Variants in MAST2 observed in about 807,000 individuals in gnomAD.
The protein encoded by MAST2 is microtubule associated serine/threonine kinase 2.
In MAST2, 70 loss-of-function variants were observed where a neutral mutation model predicts 147.4. That is an observed-to-expected ratio of 0.47 (90% CI 0.39 to 0.58). The LOEUF (loss-of-function observed/expected upper bound fraction) is 0.58, where lower values mean the gene tolerates loss of function less well. Among genes scored for constraint, MAST2 ranks in the 20% least tolerant of loss-of-function variants. MAST2 has a pLI of 0.00. For synonymous variants in MAST2, 869 were observed against 896.8 expected, an observed-to-expected ratio of 0.97 and a Z score of 0.55; for missense variants, 2,080 against 2,302.3, an observed-to-expected ratio of 0.90 and a Z score of 1.98.
intron 10 of MAST2, 88 bp from the exon 11 acceptor site, chr1:46,019,508 C>A (rs952937385): frequency 3.2e-5 from 32 of 1,007,290 alleles, no homozygotes; most frequent in Non-Finnish European, 4.6e-5. Flanking sequence ...CGAATTGTTT[C>A]TCCCTGGAGT....
In MAST2 at chr1:45,976,558, G is replaced by T. The variant is rs536910844; in HGVS notation, c.592+17081G>T. ...ACATTAAAATCACATTGTTCTAGTG[G>T]TGATTACCTGTGGAAAAAAGTAAAA... On this transcript the variant is annotated intron_variant, in intron 5 of 28. Transcript: ENST00000361297. Among the ~76,000 whole-genome samples, 9 of 152,308 alleles carry T rather than the reference G, an allele frequency of 5.9e-5. 1 individual carries two copies. In the South Asian group the frequency reaches 1.9e-3, roughly 32 times the overall value.
chr1:45,985,693 G>C (rs1644585439), intron 5 of MAST2, among the ~76,000 whole-genome samples: 2 of 152,174 alleles, frequency 1.3e-5, no homozygotes, highest in Non-Finnish European at 2.9e-5. Context: ...TGAATCTGTA[G>C]ATCAGTTAGG....
intron 8 of MAST2, among the ~76,000 whole-genome samples, chr1:46,007,770 G>T (rs1645547026): frequency 6.6e-6 from 1 of 152,198 alleles, no homozygotes; most frequent in Non-Finnish European, 1.5e-5. Context: ...CATATCGGCT[G>T]CCTTCAGTAA....
chr1:45,858,377 T>C (rs1268990435), intron 3 of MAST2, among the ~76,000 whole-genome samples: 1 of 152,170 alleles, frequency 6.6e-6, no homozygotes, highest in Non-Finnish European at 1.5e-5. Flanking sequence ...TGATGAGCAT[T>C]TTTTCATGTG....
rs1338563282 is a variant in MAST2 at position 46,031,181 on chromosome 1, G to A, written c.2883G>A (p.Leu961=). 6.3e-7 allele frequency: 1 copy of A among 1,586,008 alleles called. No individual in the cohort carries two copies. Among genetic ancestry groups the A allele is most frequent in the Admixed American group, 1.7e-5 (1 of 57,372 alleles). ...RRQPQEGIWV[L]TPPSGEGVSG... Reference sequence around the variant, plus strand: ...AACCACAGGAGGGTATATGGGTCCTGACACCCCCATCTGGAGAGGGGGTAT... The same window carrying A: ...AACCACAGGAGGGTATATGGGTCCTAACACCCCCATCTGGAGAGGGGGTAT... The change falls in exon 23 of 29, where the codon CTG becomes CTA. Residue 961 remains leucine (L), a synonymous_variant. Transcript: ENST00000361297. The surrounding 1 kb of genome is among the most constrained non-coding windows in gnomAD (Gnocchi z 4.1).
At chr1:45,898,470 T>A (rs1649146132) in intron 4 of MAST2, among the ~76,000 whole-genome samples, 1 of 152,222 alleles carries the variant, frequency 6.6e-6, no homozygotes, top group Admixed American at 6.5e-5. Flanking sequence ...TGAAGAATGA[T>A]GGTGGGCCAT....
At chr1:45,999,841 G>T (rs924156031) in intron 6 of MAST2, among the ~76,000 whole-genome samples, 3 of 152,042 alleles carry the variant, frequency 2.0e-5, no homozygotes, top group Non-Finnish European at 2.9e-5. Context: ...TATCTTATTT[G>T]CATATTTTCT....
intron 4 of MAST2, among the ~76,000 whole-genome samples, chr1:45,927,733 T>TAAGAGA (rs1353628538): frequency 1.3e-4 from 20 of 152,322 alleles, no homozygotes; most frequent in Middle Eastern, 3.4e-3. Context: ...CATGCATCCT[T>TAAGAGA]TTCAGCTGAC....
Position 46,034,111 on chromosome 1 carries a change from A to G in MAST2, c.3713A>G (p.Gln1238Arg). 1 of 1,613,866 alleles carries G rather than the reference A, an allele frequency of 6.2e-7. No individual in the cohort carries two copies. The highest frequency in any genetic ancestry group is 8.5e-7 in the Non-Finnish European group (1 of 1,179,862). Residue 1238 changes from glutamine to arginine, a missense_variant, in exon 28 of 29, where the codon CAA (glutamine) becomes CGA (arginine). Physicochemically the swap from Gln to Arg is conservative, Grantham distance 43. Coordinates refer to ENST00000361297, the MANE Select transcript of MAST2 (RefSeq NM_015112.3). ...RSSLFRKITK[Q>R]ASLLHTSRSL... ...TCCCTGTTCCGCAAGATCACCAAGC[A>G]AGCATCCCTGCTCCACACCAGCCGC...
In MAST2 at chr1:45,981,370, C is replaced by G. The variant is rs184163584; in HGVS notation, c.593-16354C>G. 5.1e-3 allele frequency among the ~76,000 whole-genome samples: 741 copies of G among 144,522 alleles called. 3 individuals are homozygous for G. Among genetic ancestry groups the G allele is most frequent in the Middle Eastern group, 0.025 (7 of 276 alleles). The allele number at this position is 144,522 out of a possible 152,430, so 94.8% of individuals were successfully genotyped here. Reference sequence around the variant, plus strand: ...TACAGGTGTGAGCCACTGTACCTGGCTGAGGCTAGGGTTTTTTAAGGATAG... The same window carrying G: ...TACAGGTGTGAGCCACTGTACCTGGGTGAGGCTAGGGTTTTTTAAGGATAG... On this transcript the variant is annotated intron_variant, in intron 5 of 28. Coordinates refer to ENST00000361297, the MANE Select transcript of MAST2 (RefSeq NM_015112.3).
intron 4 of MAST2, among the ~76,000 whole-genome samples, chr1:45,937,992 C>G (rs1656547657): frequency 6.6e-6 from 1 of 152,130 alleles, no homozygotes; most frequent in Non-Finnish European, 1.5e-5. Context: ...CTTCTAATTC[C>G]TAGCTCTAAG....
At chr1:45,867,565 A>G (rs572900250) in intron 3 of MAST2, among the ~76,000 whole-genome samples, 13 of 151,966 alleles carry the variant, frequency 8.6e-5, no homozygotes, top group African/African-American at 3.1e-4. Context: ...CCACTGGTAT[A>G]TTGAGAGTAG....
chr1:45,924,654 T>C (rs1172362243), intron 4 of MAST2, among the ~76,000 whole-genome samples: 23 of 152,288 alleles, frequency 1.5e-4, no homozygotes, highest in Non-Finnish European at 2.8e-4. Flanking sequence ...GTATAACTAT[T>C]ATAGGCTGAA....
chr1:45,893,965 A>G (rs1648294160), intron 4 of MAST2, among the ~76,000 whole-genome samples: 1 of 152,218 alleles, frequency 6.6e-6, no homozygotes, highest in African/African-American at 2.4e-5. Context: ...CACTGACCCC[A>G]GCACTTTGTG....
intron 1 of MAST2, among the ~76,000 whole-genome samples, chr1:45,823,719 T>TA (rs1644707490): frequency 6.6e-6 from 1 of 152,212 alleles, no homozygotes; most frequent in Non-Finnish European, 1.5e-5. Flanking sequence ...GCTTCCTTCA[T>TA]TGACATATAA....
At chr1:46,030,280 G>T in intron 21 of MAST2, 42 bp downstream of exon 21, 1 of 1,587,842 alleles carries the variant, frequency 6.3e-7, no homozygotes, top group South Asian at 1.1e-5. Context: ...CAGGCTGGAG[G>T]ATCAGAAGAA....
At chr1:46,030,890 T>C in intron 22 of MAST2, 117 bp from the exon 23 acceptor site, 1 of 1,471,622 alleles carries the variant, frequency 6.8e-7, no homozygotes, top group Non-Finnish European at 9.1e-7. Flanking sequence ...GGGTGGCTCC[T>C]GGAGGAATGT....
intron 28 of MAST2, 83 bp from the exon 29 acceptor site, chr1:46,034,455 A>T: frequency 7.1e-7 from 1 of 1,417,250 alleles, no homozygotes; most frequent in Non-Finnish European, 9.7e-7. Flanking sequence ...TAACAGGGCT[A>T]AGCCCTGTCT....
At chr1:45,963,399 G>A (rs1189320708) in intron 5 of MAST2, among the ~76,000 whole-genome samples, 1 of 152,176 alleles carries the variant, frequency 6.6e-6, no homozygotes, top group Non-Finnish European at 1.5e-5. Flanking sequence ...CCATGAGCAT[G>A]GAATGTTTTT....
Sources: gnomAD v4.1 joint callset for allele counts (sites outside exome capture counted in the v4.1 genomes callset) on GRCh38, gnomAD v4.1.1 for gene constraint, Gnocchi (gnomAD v3.1) non-coding constraint, MANE v1.5 for transcripts, NCBI Gene and HGNC (gene_info 2026-07-23, HGNC 2026-07-21) for gene names.